Variants in TLK1 observed in about 807,000 individuals in gnomAD.
TLK1 encodes the protein tousled like kinase 1, also known as serine/threonine-protein kinase tousled-like 1.
Under a neutral mutation model 105.3 loss-of-function variants are expected in TLK1, and 24 were observed. The observed-to-expected ratio is 0.23, with a 90% confidence interval of 0.17 to 0.32. The LOEUF is 0.32. Ranked by LOEUF, TLK1 falls within the 10% of genes least tolerant of loss-of-function variation. The pLI is 1.00. For missense variants in TLK1, 558 were observed against 910.5 expected (o/e 0.61, Z 4.98); for synonymous variants, 321 against 310.4 (o/e 1.03, Z -0.36).
At chr2:171,011,332 G>C (rs747572018) in intron 14 of TLK1, 41 bp downstream of exon 14, 5 of 1,533,870 alleles carry the variant, frequency 3.3e-6, no homozygotes, top group Non-Finnish European at 4.5e-6. Context: ...CTATATCCTT[G>C]CTACATTAGT....
In TLK1 at chr2:171,006,170, A is replaced by T. The variant is rs1398585811; in HGVS notation, c.1881T>A (p.Thr627=). ...DSYGVDGMDL[T]SQGAGTYWYL... ...ACCAGTAAGTGCCTGCCCCCTGGGA[A>T]GTTAGATCCATTCCATCTACACCAT... Residue 627 remains threonine (T), a synonymous_variant, in exon 18 of 21, where the codon ACT becomes ACA. Transcript: ENST00000431350. 1 of 1,600,338 alleles carries T rather than the reference A, an allele frequency of 6.2e-7. No individual in the cohort carries two copies. Among genetic ancestry groups the T allele is most frequent in the Admixed American group, 1.7e-5 (1 of 57,498 alleles).
chr2:171,024,418 G>C (rs929385594), intron 12 of TLK1, among the ~76,000 whole-genome samples: 2 of 152,034 alleles, frequency 1.3e-5, no homozygotes, highest in Admixed American at 6.6e-5. Flanking sequence ...GAATGAAAAA[G>C]AATGTGTATG....
At chr2:171,005,484 G>A (rs1484173713) in intron 18 of TLK1, among the ~76,000 whole-genome samples, 4 of 152,128 alleles carry the variant, frequency 2.6e-5, no homozygotes, top group South Asian at 2.1e-4. Flanking sequence ...AGTGGCTCAC[G>A]CCTGTAATCC....
chr2:171,086,631 AAAC>A (rs1295501840), intron 2 of TLK1, among the ~76,000 whole-genome samples: 76 of 128,672 alleles, frequency 5.9e-4, no homozygotes, highest in African/African-American at 2.5e-3. Flanking sequence ...GTCTCAAAAA[AAAC>A]AAACAAAAAA....
intron 1 of TLK1, among the ~76,000 whole-genome samples, chr2:171,149,776 T>C (rs975420962): frequency 1.3e-5 from 2 of 151,986 alleles, no homozygotes; most frequent in Non-Finnish European, 2.9e-5. Flanking sequence ...TATGGTGGCG[T>C]GCACCTGTAG....
At chr2:171,163,112 G>A (rs998453460), upstream of TLK1, among the ~76,000 whole-genome samples, 3 of 152,178 alleles carry the variant, frequency 2.0e-5, no homozygotes, top group African/African-American at 4.8e-5. Context: ...TCTTTCACTC[G>A]ACATTATTTT....
At chr2:171,136,526 G>A (rs956335130) in intron 1 of TLK1, among the ~76,000 whole-genome samples, 1 of 152,134 alleles carries the variant, frequency 6.6e-6, no homozygotes, top group Non-Finnish European at 1.5e-5. Context: ...CTCCAGCCTG[G>A]GTGACAGAGT....
intron 14 of TLK1, among the ~76,000 whole-genome samples, chr2:171,009,897 A>G (rs1216486118): frequency 1.3e-5 from 2 of 152,224 alleles, no homozygotes; most frequent in African/African-American, 4.8e-5. Context: ...CACCAAATCT[A>G]TCAGAGAAGA....
chr2:171,040,424 G>C (rs1032432018), intron 11 of TLK1, among the ~76,000 whole-genome samples: 8 of 152,152 alleles, frequency 5.3e-5, no homozygotes, highest in Admixed American at 5.2e-4. Flanking sequence ...TGTGGGGACA[G>C]GGGTTAGGTA....
At chr2:171,030,227 TTAAC>T (rs770859364) in intron 11 of TLK1, among the ~76,000 whole-genome samples, 39 of 152,320 alleles carry the variant, frequency 2.6e-4, no homozygotes, top group Admixed American at 4.6e-4. Flanking sequence ...GCTAATTAAA[TTAAC>T]TAATTCTAAA....
At position 171,206,586 on chromosome 2, in the gene TLK1, A is replaced by C. The variant is rs115837074; in HGVS notation, c.-6+24559T>G. Among the ~76,000 whole-genome samples the C allele has an allele frequency of 2.0e-3, 306 of 152,316 alleles. 1 individual carries two copies. The highest frequency in any genetic ancestry group is 3.5e-3 in the Non-Finnish European group (235 of 68,018). On this transcript the variant is annotated intron_variant, in intron 1 of 20. Transcript: ENST00000521943. ...TGCTAGAAGACCAGGTCAATATTTA[A>C]TGGGGACATGATACTGGTTTATGTA...
rs1316544087 is a variant in TLK1, at chr2:171,160,476, G to A, written c.-48C>T. 7 of 1,572,148 alleles carry A rather than the reference G, an allele frequency of 4.5e-6. No homozygotes were observed. The highest frequency in any genetic ancestry group is 4.2e-5 in the African/African-American group (3 of 71,424). On this transcript the variant is annotated 5_prime_UTR_variant, in exon 1 of 21. Transcript: ENST00000431350. This position sits in a 1 kb window ranked among gnomAD's most constrained non-coding sequence, Gnocchi z 4.4. ...ACTCCCCCCCTGCGACGGCAGCGGC[G>A]GCAACGGCACCGGCACCCGCCTCCG...
At chr2:171,115,684 G>A (rs1482461942) in intron 2 of TLK1, among the ~76,000 whole-genome samples, 1 of 152,136 alleles carries the variant, frequency 6.6e-6, no homozygotes, top group Admixed American at 6.5e-5. Context: ...TGATGGTGGT[G>A]ATATTGACTA....
chr2:171,158,595 C>T (rs1327844365), intron 1 of TLK1, among the ~76,000 whole-genome samples: 1 of 151,788 alleles, frequency 6.6e-6, no homozygotes. Context: ...ATTCGAGAAA[C>T]GAATGAATGA....
chr2:171,079,095 G>A (rs955309911), intron 3 of TLK1, among the ~76,000 whole-genome samples: 8 of 152,154 alleles, frequency 5.3e-5, no homozygotes, highest in Admixed American at 2.6e-4. Context: ...AAGCTTTTCC[G>A]GAGATCTAAA....
chr2:171,180,965 A>G (rs186360523), intron 1 of TLK1, among the ~76,000 whole-genome samples: 1 of 152,276 alleles, frequency 6.6e-6, no homozygotes, highest in Non-Finnish European at 1.5e-5. Flanking sequence ...AACTCTGATA[A>G]TAATGGTTGA....
intron 1 of TLK1, among the ~76,000 whole-genome samples, chr2:171,128,980 GTGTA>G (rs1457236931): frequency 1.3e-5 from 2 of 152,234 alleles, no homozygotes; most frequent in East Asian, 1.9e-4. Flanking sequence ...GTGTGTGTGT[GTGTA>G]TGTGTGTGTG....
intron 11 of TLK1, among the ~76,000 whole-genome samples, chr2:171,044,337 A>G (rs1333236071): frequency 6.6e-6 from 1 of 152,216 alleles, no homozygotes; most frequent in Non-Finnish European, 1.5e-5. Flanking sequence ...TACATGTGAG[A>G]GGATGGTAGT....
intron 2 of TLK1, among the ~76,000 whole-genome samples, chr2:171,092,433 T>C (rs1461193340): frequency 6.6e-6 from 1 of 152,222 alleles, no homozygotes; most frequent in African/African-American, 2.4e-5. Flanking sequence ...GCACCACCAC[T>C]ACTGGCTCTC....
Sources: gnomAD v4.1 joint callset for allele counts (sites outside exome capture counted in the v4.1 genomes callset) on GRCh38, gnomAD v4.1.1 for gene constraint, Gnocchi (gnomAD v3.1) non-coding constraint, MANE v1.5 for transcripts, NCBI Gene and HGNC (gene_info 2026-07-23, HGNC 2026-07-21) for gene names.